The following DIP2B variants were observed in gnomAD, a reference collection of about 807,000 sequenced individuals.
DIP2B encodes the protein disco-interacting protein 2 homolog B.
DIP2B carries 76 observed loss-of-function variants against 198.0 expected under a neutral mutation model. The observed-to-expected ratio is 0.38, with a 90% CI of 0.32 to 0.46. The LOEUF is 0.46. DIP2B is among the 20% of genes least tolerant of loss of function. The pLI, the probability that DIP2B is intolerant of heterozygous loss-of-function variation, is 0.99. For synonymous variants in DIP2B, 701 were observed against 739.1 expected (o/e 0.95, Z 0.84); for missense variants, 1,559 against 1,978.4 (o/e 0.79, Z 4.02).
chr12:50,650,803 G>A (rs570313041), intron 3 of DIP2B, among the ~76,000 whole-genome samples: 20 of 152,132 alleles, frequency 1.3e-4, no homozygotes, highest in Admixed American at 9.2e-4. Flanking sequence ...TCCTGTTTTC[G>A]GTTTATTTGG....
At chr12:50,708,634 G>A (rs1329464613) in intron 22 of DIP2B, 72 bp downstream of exon 22, 8 of 1,262,722 alleles carry the variant, frequency 6.3e-6, no homozygotes, top group East Asian at 5.1e-5. Context: ...CATTTTCTTC[G>A]ATCAGCCAGT....
chr12:50,543,944 AGG>A (rs1304332359), intron 1 of DIP2B, among the ~76,000 whole-genome samples: 6 of 146,586 alleles, frequency 4.1e-5, no homozygotes, highest in East Asian at 2.1e-4. Context: ...AAAAAAAAAA[AGG>A]AGGCTGGGCA....
Position 50,739,491 on chromosome 12 carries a change from C to T in DIP2B, c.4259C>T (p.Thr1420Ile), listed in dbSNP as rs1200133055. 3.1e-6 allele frequency: 5 copies of T among 1,614,078 alleles called. No individual in the cohort carries two copies. Among genetic ancestry groups the T allele is most frequent in the Non-Finnish European group, 4.2e-6 (5 of 1,180,048 alleles). The change falls in exon 36 of 38, where the codon ACT becomes ATT. Residue 1420 changes from threonine to isoleucine, a missense_variant. Thr to Ile is a moderately conservative substitution (Grantham distance 89). Transcript: ENST00000301180. Reference protein sequence around the residue: ...SETLQADHFNTRLSFGDAAQT... With the variant: ...SETLQADHFNIRLSFGDAAQT... ...ACTCTTCAAGCTGATCATTTCAACA[C>T]TCGCCTCAGCTTTGGAGATGCAGCT... is the stretch of plus-strand genomic sequence containing the variant.
At chr12:50,636,437 A>C (rs925949909) in intron 2 of DIP2B, among the ~76,000 whole-genome samples, 1 of 152,182 alleles carries the variant, frequency 6.6e-6, no homozygotes, top group Non-Finnish European at 1.5e-5. Flanking sequence ...CACACATTGC[A>C]ATTATATCTG....
intron 3 of DIP2B, among the ~76,000 whole-genome samples, chr12:50,644,838 A>G (rs1018918541): frequency 6.6e-6 from 1 of 152,184 alleles, no homozygotes; most frequent in Non-Finnish European, 1.5e-5. Flanking sequence ...AGCTTTGTCC[A>G]GTTTGCCATT....
rs538116213 is a variant in DIP2B at position 50,522,054 on chromosome 12, G to T, written c.100+16814G>T. Among the ~76,000 whole-genome samples, 3 of 151,754 alleles carry T rather than the reference G, an allele frequency of 2.0e-5. No homozygotes were observed. In the South Asian group the frequency reaches 6.2e-4, roughly 32 times the overall value. ...CTTGCTCTGTCACCCAGACTGGAGT[G>T]CAGTGGCACAATCTTGGCTCACTGC... On this transcript the variant is annotated intron_variant, in intron 1 of 37. Coordinates refer to ENST00000301180, the MANE Select transcript of DIP2B (RefSeq NM_173602.3).
chr12:50,728,725 T>C (rs1939983257), intron 30 of DIP2B, 47 bp downstream of exon 30: 2 of 1,592,806 alleles, frequency 1.3e-6, no homozygotes, highest in South Asian at 1.1e-5. Context: ...GGGTATACTT[T>C]GTGGCCATGG....
intron 1 of DIP2B, among the ~76,000 whole-genome samples, chr12:50,558,172 A>G (rs754222603): frequency 3.3e-4 from 50 of 152,232 alleles, no homozygotes; most frequent in Admixed American, 6.5e-4. Flanking sequence ...ATTCGAGACC[A>G]GCAACATAGT....
chr12:50,568,149 A>G (rs1958582173), intron 1 of DIP2B, among the ~76,000 whole-genome samples: 1 of 152,146 alleles, frequency 6.6e-6, no homozygotes, highest in Non-Finnish European at 1.5e-5. Flanking sequence ...CTGCCTAAGC[A>G]CTAATCAGGT....
intron 7 of DIP2B, among the ~76,000 whole-genome samples, chr12:50,677,083 T>A (rs1377176712): frequency 1.3e-5 from 2 of 152,204 alleles, no homozygotes; most frequent in South Asian, 2.1e-4. Context: ...CTAAGATTTG[T>A]TGCTCATTCT....
intron 4 of DIP2B, among the ~76,000 whole-genome samples, chr12:50,668,951 A>AC (rs1026239309): frequency 5.3e-5 from 8 of 151,072 alleles, no homozygotes; most frequent in Admixed American, 2.6e-4. Flanking sequence ...TCTTTTAATC[A>AC]CCCCCCTTTT....
rs1381342917 is a variant in DIP2B, at chr12:50,660,287, T to C, written c.395T>C (p.Val132Ala). 1.2e-6 allele frequency: 2 copies of C among 1,612,334 alleles called. No individual in the cohort carries two copies. The highest frequency in any genetic ancestry group is 1.7e-5 in the Admixed American group (1 of 59,806). ...PMPTKRRSTF[V>A]QSPADACTPP... ...CCAACCAAAAGGCGATCCACATTTG[T>C]TCAGTCTCCTGCAGATGCCTGCACA... Residue 132 changes from valine to alanine, a missense_variant, in exon 4 of 38, where the codon GTT becomes GCT. Coordinates refer to ENST00000301180, the MANE Select transcript of DIP2B (RefSeq NM_173602.3).
intron 1 of DIP2B, among the ~76,000 whole-genome samples, chr12:50,536,743 T>A (rs1054624868): frequency 1.3e-5 from 2 of 151,942 alleles, no homozygotes; most frequent in Non-Finnish European, 2.9e-5. Flanking sequence ...AATTTTTGTA[T>A]TTTTTGGTAG....
At chr12:50,667,363 A>G (rs1237251869) in intron 4 of DIP2B, among the ~76,000 whole-genome samples, 1 of 152,210 alleles carries the variant, frequency 6.6e-6, no homozygotes, top group African/African-American at 2.4e-5. Context: ...TTTATAAGTG[A>G]TAACAGTCAT....
chr12:50,540,984 C>T (rs1958319955), intron 1 of DIP2B, among the ~76,000 whole-genome samples: 3 of 152,044 alleles, frequency 2.0e-5, no homozygotes, highest in East Asian at 3.8e-4. Context: ...CTTTTATAGA[C>T]GTCTTTGTGT....
At chr12:50,742,358 C>G (rs1040071289) in intron 37 of DIP2B, among the ~76,000 whole-genome samples, 3 of 132,808 alleles carry the variant, frequency 2.3e-5, no homozygotes, top group African/African-American at 8.7e-5. Flanking sequence ...GATTGTGCCA[C>G]TGCACTCCAG....
rs1278006643 is a variant in DIP2B, at chr12:50,736,966, A to T, written c.4102-70A>T. 35 of 1,482,816 alleles carry T rather than the reference A, an allele frequency of 2.4e-5. 1 individual carries two copies. The Middle Eastern group carries it at 1.4e-3, about 59-fold the overall frequency. 91.9% of individuals were successfully genotyped at this position (1,482,816 alleles called of 1,614,324 possible). A position where few individuals can be genotyped will look rare whatever the true frequency, so the allele number is the denominator to read the frequency against. ...TCTCTCACCTCTCCAGCAGGTAACT[A>T]ACCGTGCGTTTCCTGGAGGTCATTA... On this transcript the variant is annotated intron_variant, in intron 34 of 37. Transcript: ENST00000301180.
intron 1 of DIP2B, among the ~76,000 whole-genome samples, chr12:50,595,358 C>CTA (rs1958869545): frequency 6.6e-6 from 1 of 152,142 alleles, no homozygotes; most frequent in South Asian, 2.1e-4. Context: ...GTCACCAGGG[C>CTA]TAGAGAGCAA....
In DIP2B at chr12:50,674,385, T is replaced by C; in HGVS notation, c.641-89T>C. On this transcript the variant is annotated intron_variant, in intron 5 of 37. Transcript: ENST00000301180. The stretch of plus-strand genomic sequence containing the variant: ...GCCAGTGCCCCCATTTATGTACTTT[T>C]CTTCCTTGTTAAAAAACAAAACCCC... The C allele has an allele frequency of 2.1e-6, 3 of 1,439,038 alleles. No homozygotes were observed. In the Admixed American group the frequency reaches 5.7e-5, roughly 27 times the overall value. The allele number at this position is 1,439,038 out of a possible 1,614,324, so 89.1% of individuals were successfully genotyped here.
Sources: allele counts gnomAD v4.1 joint callset (sites outside exome capture counted in the v4.1 genomes callset), GRCh38; gene constraint gnomAD v4.1.1; transcripts MANE v1.5; gene names NCBI Gene and HGNC (gene_info 2026-07-23, HGNC 2026-07-21).